The following CTNNA2 variants were observed in gnomAD, a reference collection of about 807,000 sequenced individuals.
CTNNA2 encodes catenin alpha 2.
In CTNNA2, 42 loss-of-function variants were observed where a neutral mutation model predicts 101.0. The ratio of observed to expected loss-of-function variants is 0.42; its 90% CI spans 0.32 to 0.54. CTNNA2 has a LOEUF of 0.54. Among genes scored for constraint, CTNNA2 ranks in the 20% least tolerant of loss-of-function variants. The probability of loss-of-function intolerance (pLI) is 0.14; values close to 1 mark genes in which losing one functional copy is unlikely to be tolerated. For synonymous variants in CTNNA2, 450 were observed against 456.4 expected (o/e 0.99, Z 0.18); for missense variants, 871 against 1,223.1 (o/e 0.71, Z 4.29).
At chr2:80,028,340 A>AT (rs1310384199) in intron 7 of CTNNA2, 1 of 152,212 alleles carries the variant, frequency 6.6e-6, no homozygotes, top group African/African-American at 2.4e-5. Flanking sequence ...CAGCTCCCTG[A>AT]TTCCTTGTGG....
At chr2:80,150,220 A>C (rs534006994) in intron 7 of CTNNA2, among the ~76,000 whole-genome samples, 1 of 151,720 alleles carries the variant, frequency 6.6e-6, no homozygotes, top group South Asian at 2.1e-4. Flanking sequence ...GTGAGCCCAG[A>C]CTCTCTCTCT....
intron 7 of CTNNA2, among the ~76,000 whole-genome samples, chr2:80,274,347 C>T (rs557870774): frequency 2.0e-5 from 3 of 152,240 alleles, no homozygotes; most frequent in South Asian, 4.1e-4. Context: ...AGTAATACTC[C>T]GTATAGCAAT....
At position 80,333,687 on chromosome 2, in the gene CTNNA2, G is replaced by A. The variant is rs568705974; in HGVS notation, c.1057-59524G>A. On this transcript the variant is annotated intron_variant, in intron 7 of 18. Transcript: ENST00000402739. ...CTTGCTGTGTCCCACAGGCAGTAGC[G>A]TGATCCCGGCTCCCTGCAATCTCTG... Among the ~76,000 whole-genome samples, 4 of 152,252 alleles carry A rather than the reference G, an allele frequency of 2.6e-5. No homozygotes were observed. In the South Asian group the frequency reaches 6.2e-4, roughly 24 times the overall value.
intron 2 of CTNNA2, among the ~76,000 whole-genome samples, chr2:79,224,199 CTG>C (rs1451324512): frequency 6.6e-6 from 1 of 152,086 alleles, no homozygotes; most frequent in African/African-American, 2.4e-5. Context: ...AGGGTTATGT[CTG>C]TTGATTGTCA....
At chr2:79,933,828 A>C (rs1687612967) in intron 7 of CTNNA2, among the ~76,000 whole-genome samples, 1 of 152,150 alleles carries the variant, frequency 6.6e-6, no homozygotes, top group Non-Finnish European at 1.5e-5. Context: ...TCTGTGCTTC[A>C]TTTACCTGCA....
At chr2:79,229,241 C>G (rs1271056162) in intron 2 of CTNNA2, among the ~76,000 whole-genome samples, 1 of 152,108 alleles carries the variant, frequency 6.6e-6, no homozygotes, top group African/African-American at 2.4e-5. Flanking sequence ...GCTATTTAGG[C>G]TGATATGGTT....
chr2:80,336,873 G>T (rs1029407984), intron 7 of CTNNA2, among the ~76,000 whole-genome samples: 8 of 152,180 alleles, frequency 5.3e-5, no homozygotes, highest in African/African-American at 1.9e-4. Context: ...TCAAGGAAAT[G>T]CACTCATGTG....
intron 7 of CTNNA2, among the ~76,000 whole-genome samples, chr2:80,346,756 A>C (rs913501475): frequency 6.6e-6 from 1 of 152,192 alleles, no homozygotes; most frequent in Non-Finnish European, 1.5e-5. Flanking sequence ...TGCCTACAAG[A>C]TCATGTTTGA....
intron 9 of CTNNA2, among the ~76,000 whole-genome samples, chr2:80,468,334 G>A (rs1216118558): frequency 2.0e-5 from 3 of 152,202 alleles, no homozygotes; most frequent in African/African-American, 4.8e-5. Context: ...GTTTATAAAC[G>A]TGGAGCTAGC....
In CTNNA2 at chr2:80,438,237, T is replaced by C. The variant is rs1057116962; in HGVS notation, c.1290+18636T>C. On this transcript the variant is annotated intron_variant, in intron 9 of 18. Transcript: ENST00000402739. ...CTCCTCCTGCGTCCAGTTTTTCTTT[T>C]ATAAGGACACAAATCAGATTGGATT... is the stretch of plus-strand genomic sequence containing the variant. Among the ~76,000 whole-genome samples the C allele has an allele frequency of 8.5e-5, 13 of 152,268 alleles. No individual in the cohort carries two copies. The East Asian group carries it at 2.5e-3, about 30-fold the overall frequency.
At chr2:79,989,995 G>C (rs1574484665) in intron 7 of CTNNA2, among the ~76,000 whole-genome samples, 1 of 152,110 alleles carries the variant, frequency 6.6e-6, no homozygotes. Flanking sequence ...ATTTGGACTT[G>C]GATCTCAAAT....
intron 7 of CTNNA2, among the ~76,000 whole-genome samples, chr2:80,154,652 A>G (rs974967566): frequency 2.6e-5 from 4 of 152,076 alleles, no homozygotes; most frequent in African/African-American, 9.7e-5. Flanking sequence ...GAAACTACCT[A>G]ATCCCCATCC....
intron 7 of CTNNA2, among the ~76,000 whole-genome samples, chr2:79,938,114 G>A (rs1160474410): frequency 1.3e-5 from 2 of 152,184 alleles, no homozygotes; most frequent in Admixed American, 6.5e-5. Flanking sequence ...AAAAATGGCA[G>A]TGCCCTCAAA....
intron 4 of CTNNA2, among the ~76,000 whole-genome samples, chr2:79,484,965 A>G (rs1044094664): frequency 2.6e-5 from 4 of 152,212 alleles, no homozygotes; most frequent in African/African-American, 9.6e-5. Context: ...TTTACCAGCC[A>G]TACTTCATTT....
intron 2 of CTNNA2, among the ~76,000 whole-genome samples, chr2:79,716,114 T>A (rs1446529753): frequency 1.3e-5 from 2 of 151,974 alleles, no homozygotes; most frequent in East Asian, 3.9e-4. Context: ...GTGAACTAAT[T>A]AAGAACAAAA....
chr2:79,796,193 G>A (rs1675682038), intron 3 of CTNNA2, among the ~76,000 whole-genome samples: 1 of 152,168 alleles, frequency 6.6e-6, no homozygotes, highest in South Asian at 2.1e-4. Flanking sequence ...GACAGACCTT[G>A]TCAAACAGGG....
chr2:79,372,264 A>C (rs1219893459), intron 3 of CTNNA2, among the ~76,000 whole-genome samples: 1 of 152,162 alleles, frequency 6.6e-6, no homozygotes, highest in Non-Finnish European at 1.5e-5. Context: ...GGAGGAACGA[A>C]GTCCCTCTTT....
chr2:80,173,066 T>C (rs78421594), intron 7 of CTNNA2, among the ~76,000 whole-genome samples: 517 of 152,292 alleles, frequency 3.4e-3, no homozygotes, highest in African/African-American at 0.012. Context: ...CCTGTACTTA[T>C]ATAGGTAATT....
intron 2 of CTNNA2, among the ~76,000 whole-genome samples, chr2:79,215,483 G>T (rs2104209530): frequency 6.6e-6 from 1 of 152,320 alleles, no homozygotes; most frequent in South Asian, 2.1e-4. Flanking sequence ...CTGTTGTGGG[G>T]TTTGAGGGCT....
Sources: gnomAD v4.1 joint callset for allele counts (sites outside exome capture counted in the v4.1 genomes callset) on GRCh38, gnomAD v4.1.1 for gene constraint, MANE v1.5 for transcripts, NCBI Gene and HGNC (gene_info 2026-07-23, HGNC 2026-07-21) for gene names.